Variants in FMO2 observed in about 807,000 individuals in gnomAD.
The protein encoded by FMO2 is flavin-containing monooxygenase 2.
A neutral mutation model predicts 41.6 loss-of-function variants in FMO2; 33 were observed. That is an observed-to-expected ratio of 0.79 (90% confidence interval 0.60 to 1.06). The LOEUF (loss-of-function observed/expected upper bound fraction) is 1.06, where lower values mean the gene tolerates loss of function less well. Ranked by LOEUF, FMO2 falls within the 50% of genes least tolerant of loss-of-function variation. FMO2 has a pLI of 0.00. For synonymous variants in FMO2, 214 were observed against 219.6 expected, an observed-to-expected ratio of 0.97 and a Z score of 0.23; for missense variants, 619 against 632.9, an observed-to-expected ratio of 0.98 and a Z score of 0.23.
intron 2 of FMO2, among the ~76,000 whole-genome samples, chr1:171,190,071 C>T (rs750374121): frequency 3.9e-5 from 6 of 152,018 alleles, no homozygotes; most frequent in African/African-American, 1.2e-4. Context: ...TGATGTTTCA[C>T]GAAGAAAAAG....
intron 2 of FMO2, among the ~76,000 whole-genome samples, chr1:171,190,908 G>C (rs1658056828): frequency 6.6e-6 from 1 of 152,170 alleles, no homozygotes. Context: ...CACTTTGGGA[G>C]GCTGAGGCAG....
Position 171,209,988 on chromosome 1 carries a change from G to A in FMO2, c.*843G>A, listed in dbSNP as rs995001286. 6.6e-6 allele frequency: 1 copy of A among 152,084 alleles called. No homozygotes were observed. Among genetic ancestry groups the A allele is most frequent in the African/African-American group, 2.4e-5 (1 of 41,438 alleles). 9.4% of individuals were successfully genotyped at this position (152,084 alleles called of 1,614,324 possible). A position where few individuals can be genotyped will look rare whatever the true frequency, so the allele number is the denominator to read the frequency against. On this transcript the variant is annotated 3_prime_UTR_variant, in exon 9 of 9. Transcript: ENST00000209929. ...GCAGCTGGAATTGGAACTCAGATTTGTTGAACTCTAGAACTAAAGATCATA... is the reference window on the plus strand; with the variant it reads ...GCAGCTGGAATTGGAACTCAGATTTATTGAACTCTAGAACTAAAGATCATA...
intron 2 of FMO2, among the ~76,000 whole-genome samples, chr1:171,189,647 C>CTT (rs869173495): frequency 1.7e-5 from 2 of 120,402 alleles, no homozygotes; most frequent in Non-Finnish European, 3.3e-5. Flanking sequence ...CTGAGCCCGT[C>CTT]TTTTTTCTTT....
chr1:171,191,860 CAAAAAAAAA>C (rs61114452), intron 2 of FMO2, among the ~76,000 whole-genome samples: 1 of 73,770 alleles, frequency 1.4e-5, no homozygotes, highest in South Asian at 4.0e-4. Flanking sequence ...CTCATCTCTA[CAAAAAAAAA>C]AAAAAAAAAA....
Position 171,199,326 on chromosome 1 carries a change from C to CT in FMO2, c.485-19dup. On this transcript the variant is annotated intron_variant, in intron 4 of 8. Coordinates refer to ENST00000209929, the MANE Select transcript of FMO2 (RefSeq NM_001460.5). ...TAGTTGCTCTGGAGCTCACAGACTT[C>CT]TCTCTTCTTCCCCCTGAAGGTATGG... The CT allele has an allele frequency of 1.9e-6, 3 of 1,552,438 alleles. No homozygotes were observed. The African/African-American group carries it at 4.2e-5, about 22-fold the overall frequency.
intron 5 of FMO2, among the ~76,000 whole-genome samples, chr1:171,200,817 G>C (rs965532389): frequency 6.6e-6 from 1 of 152,240 alleles, no homozygotes; most frequent in African/African-American, 2.4e-5. Context: ...GAAGAGCAGA[G>C]CTGGAAAATG....
intron 5 of FMO2, among the ~76,000 whole-genome samples, chr1:171,203,649 C>T (rs1658628846): frequency 6.6e-6 from 1 of 152,102 alleles, no homozygotes; most frequent in African/African-American, 2.4e-5. Context: ...CTCGTGTCTC[C>T]ATGAAGTTCT....
At chr1:171,197,601 C>T (rs1235478312) in intron 4 of FMO2, among the ~76,000 whole-genome samples, 1 of 152,192 alleles carries the variant, frequency 6.6e-6, no homozygotes, top group Non-Finnish European at 1.5e-5. Flanking sequence ...GCTTGAATGT[C>T]CTGTCCAAAA....
chr1:171,185,637 T>G, intron 1 of FMO2, 71 bp from the exon 2 acceptor site: 2 of 1,498,734 alleles, frequency 1.3e-6, no homozygotes, highest in Non-Finnish European at 1.8e-6. Flanking sequence ...GCCAATTACC[T>G]GAGCACATCA....
intron 5 of FMO2, among the ~76,000 whole-genome samples, chr1:171,200,041 G>A (rs570259008): frequency 1.3e-5 from 2 of 152,296 alleles, no homozygotes; most frequent in African/African-American, 2.4e-5. Context: ...CTACCTGGAT[G>A]TTTAATGAGA....
chr1:171,192,765 C>CAAAAA (rs71561558), intron 2 of FMO2, among the ~76,000 whole-genome samples: 1 of 111,548 alleles, frequency 9.0e-6, no homozygotes, highest in African/African-American at 3.1e-5. Context: ...GACTCTGTCT[C>CAAAAA]AAAAAAAAAA....
intron 7 of FMO2, among the ~76,000 whole-genome samples, chr1:171,207,100 A>G (rs1305220620): frequency 6.6e-6 from 1 of 152,154 alleles, no homozygotes; most frequent in Admixed American, 6.5e-5. Context: ...TGAACATGAG[A>G]TGTCTGATGA....
chr1:171,206,202 A>G (rs1658751067), intron 7 of FMO2, among the ~76,000 whole-genome samples: 1 of 152,198 alleles, frequency 6.6e-6, no homozygotes, highest in Non-Finnish European at 1.5e-5. Context: ...TGGGACAGAG[A>G]GAAATTTAAA....
At chr1:171,193,560 A>T in intron 3 of FMO2, 37 bp downstream of exon 3, 2 of 1,294,120 alleles carry the variant, frequency 1.5e-6, no homozygotes, top group Non-Finnish European at 2.2e-6. Flanking sequence ...TCTCTGCATT[A>T]GTTCAGCTCA....
In FMO2 at chr1:171,207,708, T is replaced by C. The variant is rs1023666097; in HGVS notation, c.1184-10T>C. ...AAACTTACTATTCAAACCAACCTTT[T>C]ATTCCTTAGGCTTGTGTAGCCTGCC... On this transcript the variant is annotated splice_polypyrimidine_tract_variant and intron_variant, in intron 7 of 8. Coordinates refer to ENST00000209929, the MANE Select transcript of FMO2 (RefSeq NM_001460.5). 5 of 1,583,586 alleles carry C rather than the reference T, an allele frequency of 3.2e-6. No homozygotes were observed. In the African/African-American group the frequency reaches 6.8e-5, roughly 22 times the overall value.
At chr1:171,189,711 G>C (rs1318526159) in intron 2 of FMO2, among the ~76,000 whole-genome samples, 1 of 146,028 alleles carries the variant, frequency 6.8e-6, no homozygotes, top group Admixed American at 7.0e-5. Context: ...CAGGCTGGAG[G>C]GCAGTAGCGC....
At chr1:171,205,855 A>T (rs1251409240) in intron 7 of FMO2, among the ~76,000 whole-genome samples, 3 of 152,218 alleles carry the variant, frequency 2.0e-5, no homozygotes, top group Non-Finnish European at 4.4e-5. Context: ...CTTTTAAAAT[A>T]TTAGACAGTC....
At chr1:171,198,125 G>A (rs954080347) in intron 4 of FMO2, among the ~76,000 whole-genome samples, 2 of 152,238 alleles carry the variant, frequency 1.3e-5, no homozygotes. Flanking sequence ...ATTCTTTCAA[G>A]CAACCCCACC....
intron 3 of FMO2, among the ~76,000 whole-genome samples, chr1:171,193,776 C>CTT (rs35924251): frequency 1.7e-4 from 21 of 126,618 alleles, no homozygotes; most frequent in African/African-American, 9.3e-5. Flanking sequence ...GATGTCAAAA[C>CTT]TTTTTTTTTT....
Sources: gnomAD v4.1 joint callset for allele counts (sites outside exome capture counted in the v4.1 genomes callset) on GRCh38, gnomAD v4.1.1 for gene constraint, MANE v1.5 for transcripts, NCBI Gene and HGNC (gene_info 2026-07-23, HGNC 2026-07-21) for gene names.